Variants in ITGAV observed in about 807,000 individuals in gnomAD.
ITGAV encodes the protein integrin subunit alpha V, also known as integrin alpha-V.
In ITGAV, 76 loss-of-function variants were observed where a neutral mutation model predicts 143.8. That is an observed-to-expected ratio of 0.53 (90% CI 0.44 to 0.64). The LOEUF (loss-of-function observed/expected upper bound fraction) is 0.64, where lower values mean the gene tolerates loss of function less well. Ranked by LOEUF, ITGAV falls within the 30% of genes least tolerant of loss-of-function variation. ITGAV has a pLI of 0.00. For synonymous variants in ITGAV, 453 were observed against 446.7 expected, an observed-to-expected ratio of 1.01 and a Z score of -0.18; for missense variants, 1,193 against 1,274.7, an observed-to-expected ratio of 0.94 and a Z score of 0.98.
At chr2:186,644,937 T>C (rs6748509) in intron 12 of ITGAV, among the ~76,000 whole-genome samples, 112,972 of 152,098 alleles carry the variant, frequency 0.74, 42,176 homozygotes, top group East Asian at 0.85. Context: ...AGCCAGGAGA[T>C]GATGAGGCAT....
Position 186,590,321 on chromosome 2 carries a change from C to A in ITGAV, c.-18C>A. 2 of 1,557,594 alleles carry A rather than the reference C, an allele frequency of 1.3e-6. No homozygotes were observed. The highest frequency in any genetic ancestry group is 2.6e-5 in the East Asian group (1 of 38,636). On this transcript the variant is annotated 5_prime_UTR_variant, in exon 1 of 30. Transcript: ENST00000261023. ...GTGGCTACCGCTCCCGGCTTGGCGTCCCGCGCGCACTTCGGCGATGGCTTT... is the reference window on the plus strand; with the variant it reads ...GTGGCTACCGCTCCCGGCTTGGCGTACCGCGCGCACTTCGGCGATGGCTTT...
At chr2:186,676,063 A>G (rs1481745157) in intron 28 of ITGAV, 136 bp downstream of exon 28, 5 of 612,446 alleles carry the variant, frequency 8.2e-6, no homozygotes, top group Non-Finnish European at 1.5e-5. Context: ...ATAGCATTAT[A>G]ACCTAGTTTA....
At chr2:186,640,354 A>G (rs1029209264) in intron 10 of ITGAV, among the ~76,000 whole-genome samples, 4 of 152,236 alleles carry the variant, frequency 2.6e-5, no homozygotes, top group Non-Finnish European at 4.4e-5. Context: ...CAAGTAATCT[A>G]TAGAGATATG....
At position 186,679,892 on chromosome 2, in the gene ITGAV, G is replaced by C. The variant is rs575602977; in HGVS notation, c.*2600G>C. 2 of 152,070 alleles carry C rather than the reference G, an allele frequency of 1.3e-5. No homozygotes were observed. The highest frequency in any genetic ancestry group is 3.9e-4 in the East Asian group (2 of 5,182). The allele number at this position is 152,070 out of a possible 1,614,324, so 9.4% of individuals were successfully genotyped here. A position where few individuals can be genotyped will look rare whatever the true frequency, so the allele number is the denominator to read the frequency against. ...TGTGTTATGAAACTACTTATTCATA[G>C]TTAATTCTCATTAACACTTACATTT... On this transcript the variant is annotated 3_prime_UTR_variant, in exon 30 of 30. Coordinates refer to ENST00000261023, the MANE Select transcript of ITGAV (RefSeq NM_002210.5).
chr2:186,633,725 G>A (rs1304768542), intron 6 of ITGAV, among the ~76,000 whole-genome samples: 1 of 152,110 alleles, frequency 6.6e-6, no homozygotes, highest in Non-Finnish European at 1.5e-5. Flanking sequence ...ATTAGGCAGT[G>A]TGCGAAACCA....
At chr2:186,670,410 C>T (rs1213793004) in intron 26 of ITGAV, among the ~76,000 whole-genome samples, 1 of 152,096 alleles carries the variant, frequency 6.6e-6, no homozygotes, top group African/African-American at 2.4e-5. Context: ...AAGCAATCCT[C>T]CCCTATCAGT....
chr2:186,664,346 T>C (rs1288704142), intron 19 of ITGAV, 148 bp from the exon 20 acceptor site: 2 of 709,318 alleles, frequency 2.8e-6, no homozygotes, highest in Non-Finnish European at 4.5e-6. Flanking sequence ...TTTTCTGTTT[T>C]CTATCAAGCT....
intron 15 of ITGAV, among the ~76,000 whole-genome samples, chr2:186,654,049 C>T (rs1283484185): frequency 6.6e-6 from 1 of 152,034 alleles, no homozygotes; most frequent in Admixed American, 6.6e-5. Context: ...AAAATCTGAA[C>T]CGTTGGCTAG....
intron 15 of ITGAV, among the ~76,000 whole-genome samples, chr2:186,653,099 A>C (rs1291796163): frequency 5.9e-5 from 9 of 151,692 alleles, no homozygotes; most frequent in Admixed American, 2.0e-4. Flanking sequence ...GCGCCCACCA[A>C]CACGCCCGGC....
chr2:186,669,459 A>G (rs1246033158), intron 25 of ITGAV, among the ~76,000 whole-genome samples: 1 of 152,106 alleles, frequency 6.6e-6, no homozygotes, highest in Non-Finnish European at 1.5e-5. Context: ...ATCAGTTTCC[A>G]CTCTAGCTAA....
At chr2:186,669,680 T>G (rs1351790003) in intron 25 of ITGAV, 21 bp from the exon 26 acceptor site, 3 of 1,524,070 alleles carry the variant, frequency 2.0e-6, no homozygotes, top group South Asian at 1.2e-5. Context: ...TACCACCATT[T>G]TATTAATGTG....
chr2:186,644,456 G>T (rs1688195102), intron 12 of ITGAV, among the ~76,000 whole-genome samples: 1 of 151,952 alleles, frequency 6.6e-6, no homozygotes, highest in African/African-American at 2.4e-5. Context: ...CTCCTGAGTA[G>T]CTGGGACTAC....
In ITGAV at chr2:186,680,547, T is replaced by G. The variant is rs201651558; in HGVS notation, c.*3255T>G. 8 of 152,538 alleles carry G rather than the reference T, an allele frequency of 5.2e-5. No homozygotes were observed. The highest frequency in any genetic ancestry group is 1.2e-4 in the Non-Finnish European group (8 of 67,986). 9.4% of individuals were successfully genotyped at this position (152,538 alleles called of 1,614,324 possible). A position where few individuals can be genotyped will look rare whatever the true frequency, so the allele number is the denominator to read the frequency against. On this transcript the variant is annotated 3_prime_UTR_variant, in exon 30 of 30. Coordinates refer to ENST00000261023, the MANE Select transcript of ITGAV (RefSeq NM_002210.5). ...AGTAAGCCTAATATAAACAAATATT[T>G]GTATTATTTTTGTTAGCAGGAAAGA...
Position 186,664,596 on chromosome 2 carries a change from C to T in ITGAV, c.2028C>T (p.Ser676=). The change falls in exon 20 of 30, where the codon TCC becomes TCT. Residue 676 remains serine, a synonymous_variant. Coordinates refer to ENST00000261023, the MANE Select transcript of ITGAV (RefSeq NM_002210.5). ...CCTACGAAGCTGAGCTCATCGTTTCCATTCCACTGCAGGCTGATTTCATCG... is the reference window on the plus strand; with the variant it reads ...CCTACGAAGCTGAGCTCATCGTTTCTATTCCACTGCAGGCTGATTTCATCG... ...EGAYEAELIV[S]IPLQADFIGV... 1 of 1,614,070 alleles carries T rather than the reference C, an allele frequency of 6.2e-7. No homozygotes were observed. The highest frequency in any genetic ancestry group is 1.1e-5 in the South Asian group (1 of 91,080).
chr2:186,666,786 A>G lies in ITGAV; in HGVS notation c.2246+3A>G, dbSNP rs200417566. The stretch of plus-strand genomic sequence containing the variant: ...AAATTTGACTTACAAATCCAAAGGT[A>G]TGAAAACAACTTATATTCACTTATA... On this transcript the variant is annotated splice_donor_region_variant and intron_variant, in intron 22 of 29. Transcript: ENST00000261023. The G allele has an allele frequency of 5.3e-6, 8 of 1,515,922 alleles. No individual in the cohort carries two copies. Among genetic ancestry groups the G allele is most frequent in the East Asian group, 2.3e-5 (1 of 43,686 alleles). The allele number at this position is 1,515,922 out of a possible 1,614,324, so 93.9% of individuals were successfully genotyped here.
At chr2:186,609,768 TAATC>T (rs999056475) in intron 2 of ITGAV, among the ~76,000 whole-genome samples, 10 of 148,420 alleles carry the variant, frequency 6.7e-5, no homozygotes, top group African/African-American at 2.2e-4. Flanking sequence ...TAGGGACTGA[TAATC>T]AAGTAATTCC....
chr2:186,617,526 T>A (rs993774370), intron 2 of ITGAV, among the ~76,000 whole-genome samples: 1 of 152,200 alleles, frequency 6.6e-6, no homozygotes, highest in African/African-American at 2.4e-5. Context: ...AACATGAAAT[T>A]TTCAAGTCTC....
At chr2:186,633,291 T>C (rs1010923155) in intron 5 of ITGAV, 38 bp from the exon 6 acceptor site, 3 of 1,355,760 alleles carry the variant, frequency 2.2e-6, no homozygotes, top group African/African-American at 1.4e-5. Context: ...ATATTTGTTC[T>C]TTAAATATAT....
chr2:186,628,851 T>C (rs757539629), intron 4 of ITGAV, among the ~76,000 whole-genome samples: 12 of 152,076 alleles, frequency 7.9e-5, no homozygotes, highest in Non-Finnish European at 1.8e-4. Flanking sequence ...TATTATTGAT[T>C]TGAAACAGTA....
Sources: gnomAD v4.1 joint callset for allele counts (sites outside exome capture counted in the v4.1 genomes callset) on GRCh38, gnomAD v4.1.1 for gene constraint, MANE v1.5 for transcripts, NCBI Gene and HGNC (gene_info 2026-07-23, HGNC 2026-07-21) for gene names.